Variants in CADPS observed in about 807,000 individuals in gnomAD.
CADPS encodes calcium-dependent secretion activator 1.
CADPS carries 57 observed loss-of-function variants against 167.3 expected under a neutral mutation model. That is an observed-to-expected ratio of 0.34 (90% CI 0.28 to 0.42). The LOEUF is 0.42. Ranked by LOEUF, CADPS falls within the 20% of genes least tolerant of loss-of-function variation. The pLI is 1.00. For synonymous variants in CADPS, 676 were observed against 635.3 expected (o/e 1.06, Z -0.96); for missense variants, 1,414 against 1,738.1 (o/e 0.81, Z 3.32).
chr3:62,466,680 A>C (rs2059972623), intron 24 of CADPS: 2 of 457,656 alleles, frequency 4.4e-6, no homozygotes, highest in Non-Finnish European at 4.0e-6. Flanking sequence ...CACTTTTACA[A>C]ATAGCACACA....
chr3:62,500,764 G>T (rs1405228715), intron 17 of CADPS, among the ~76,000 whole-genome samples: 2 of 152,080 alleles, frequency 1.3e-5, no homozygotes, highest in Non-Finnish European at 2.9e-5. Flanking sequence ...GCAGTGGGTG[G>T]GAGGAAGTAG....
chr3:62,659,002 T>C (rs1450395280), intron 4 of CADPS, among the ~76,000 whole-genome samples: 1 of 152,154 alleles, frequency 6.6e-6, no homozygotes, highest in East Asian at 1.9e-4. Flanking sequence ...GCAGGTTCTG[T>C]GAAGTAGTCC....
At chr3:62,637,652 T>C (rs2149849160) in intron 6 of CADPS, among the ~76,000 whole-genome samples, 1 of 152,322 alleles carries the variant, frequency 6.6e-6, no homozygotes, top group South Asian at 2.1e-4. Context: ...TTTTAGATAG[T>C]TTTGTTGAAT....
At chr3:62,605,726 G>T (rs1359377914) in intron 6 of CADPS, among the ~76,000 whole-genome samples, 2 of 152,134 alleles carry the variant, frequency 1.3e-5, no homozygotes, top group Non-Finnish European at 2.9e-5. Flanking sequence ...TTTTCTCCTA[G>T]CTTTCTTTTG....
chr3:62,742,042 T>C (rs1381102827), intron 3 of CADPS, among the ~76,000 whole-genome samples: 1 of 151,940 alleles, frequency 6.6e-6, no homozygotes, highest in African/African-American at 2.4e-5. Context: ...CAAAAAAGAA[T>C]AAAATACCCA....
At chr3:62,722,719 C>T (rs1262123148) in intron 3 of CADPS, among the ~76,000 whole-genome samples, 1 of 152,214 alleles carries the variant, frequency 6.6e-6, no homozygotes, top group African/African-American at 2.4e-5. Flanking sequence ...ACCTGCCCTG[C>T]TTAGGCATAA....
intron 21 of CADPS, among the ~76,000 whole-genome samples, chr3:62,485,892 G>A (rs933464574): frequency 6.6e-6 from 1 of 152,156 alleles, no homozygotes; most frequent in African/African-American, 2.4e-5. Context: ...GAGCCTCAGG[G>A]AGGTGAACTG....
chr3:62,502,302 T>C (rs927860691), intron 17 of CADPS, among the ~76,000 whole-genome samples: 5 of 151,926 alleles, frequency 3.3e-5, no homozygotes, highest in African/African-American at 1.2e-4. Flanking sequence ...TGCTTAGAAG[T>C]GATTTTTTTT....
intron 1 of CADPS, among the ~76,000 whole-genome samples, chr3:62,793,053 C>T (rs542512884): frequency 2.2e-4 from 34 of 152,134 alleles, no homozygotes; most frequent in Non-Finnish European, 4.4e-4. Context: ...GGGAAAACTA[C>T]AGTAATGAAT....
chr3:62,741,653 C>T (rs1344436151), intron 3 of CADPS, among the ~76,000 whole-genome samples: 1 of 152,144 alleles, frequency 6.6e-6, no homozygotes, highest in East Asian at 1.9e-4. Flanking sequence ...TATGACAAAC[C>T]CACAGCCAAC....
At chr3:62,473,791 G>T (rs1032876809) in intron 24 of CADPS, 1 of 158,152 alleles carries the variant, frequency 6.3e-6, no homozygotes, top group African/African-American at 2.4e-5. Flanking sequence ...TGCAAGAAAG[G>T]CCTCTCTTGC....
Position 62,650,839 on chromosome 3 carries a change from C to A in CADPS, c.1203+8G>T. 2 of 1,610,430 alleles carry A rather than the reference C, an allele frequency of 1.2e-6. No homozygotes were observed. The highest frequency in any genetic ancestry group is 1.7e-6 in the Non-Finnish European group (2 of 1,176,866). On this transcript the variant is annotated splice_region_variant and intron_variant, in intron 5 of 29. Transcript: ENST00000383710. ...CCAAGAAACTTTCAAGGGCTCAGGG[C>A]TTTTTACCTCCAATGAGAAAGACAG...
chr3:62,857,614 G>T (rs1033399116), intron 1 of CADPS, among the ~76,000 whole-genome samples: 2 of 151,920 alleles, frequency 1.3e-5, no homozygotes, highest in Non-Finnish European at 2.9e-5. Context: ...AAAGTAGGTT[G>T]CAAAGCAATA....
At chr3:62,799,523 A>C (rs1201756245) in intron 1 of CADPS, among the ~76,000 whole-genome samples, 1 of 152,084 alleles carries the variant, frequency 6.6e-6, no homozygotes, top group Non-Finnish European at 1.5e-5. Context: ...TTCAGGTCTA[A>C]ATACATTTTG....
chr3:62,469,539 G>A (rs2060331008), intron 24 of CADPS: 1 of 152,062 alleles, frequency 6.6e-6, no homozygotes, highest in South Asian at 2.1e-4. Context: ...TTGAGATGGA[G>A]TCTTGCTCTG....
chr3:62,437,991 G>T, intron 28 of CADPS, 113 bp downstream of exon 28: 1 of 700,522 alleles, frequency 1.4e-6, no homozygotes, highest in Non-Finnish European at 2.5e-6. Context: ...GATTTAGTCT[G>T]AATCAGAACC....
At chr3:62,700,733 G>T (rs768212141) in intron 3 of CADPS, among the ~76,000 whole-genome samples, 1 of 152,088 alleles carries the variant, frequency 6.6e-6, no homozygotes, top group African/African-American at 2.4e-5. Context: ...CTTATGCTCA[G>T]TTTAGGGCTG....
At chr3:62,407,454 A>C (rs1708936280) in intron 28 of CADPS, among the ~76,000 whole-genome samples, 1 of 152,192 alleles carries the variant, frequency 6.6e-6, no homozygotes, top group South Asian at 2.1e-4. Context: ...AGATTCAGAC[A>C]CAGAATGAGT....
intron 6 of CADPS, among the ~76,000 whole-genome samples, chr3:62,599,523 CATATATATT>C (rs1359312168): frequency 0.014 from 1,298 of 92,068 alleles, 27 homozygotes; most frequent in African/African-American, 0.053. Flanking sequence ...ATATATATTA[CATATATATT>C]ATATATATTA....
Sources: gnomAD v4.1 joint callset for allele counts (sites outside exome capture counted in the v4.1 genomes callset) on GRCh38, gnomAD v4.1.1 for gene constraint, MANE v1.5 for transcripts, NCBI Gene and HGNC (gene_info 2026-07-23, HGNC 2026-07-21) for gene names.